SGCZ: variants seen among roughly 807,000 people sequenced by gnomAD.
The protein encoded by SGCZ is zeta-sarcoglycan.
Under a neutral mutation model 41.3 loss-of-function variants are expected in SGCZ, and 40 were observed. The ratio of observed to expected loss-of-function variants is 0.97; its 90% CI spans 0.75 to 1.26. SGCZ has a LOEUF of 1.26. SGCZ is among the 50% of genes most tolerant of loss of function. SGCZ has a pLI of 0.00. For missense variants in SGCZ, 552 were observed against 369.8 expected (o/e 1.49, Z -4.04); for synonymous variants, 206 against 137.5 (o/e 1.50, Z -3.49).
chr8:14,332,160 G>C (rs944885728), intron 2 of SGCZ, among the ~76,000 whole-genome samples: 7 of 152,162 alleles, frequency 4.6e-5, no homozygotes, highest in African/African-American at 1.7e-4. Flanking sequence ...TGATGACCGT[G>C]CACAGTGGCT....
At chr8:14,257,501 A>T (rs766839185) in intron 3 of SGCZ, among the ~76,000 whole-genome samples, 13 of 149,886 alleles carry the variant, frequency 8.7e-5, no homozygotes, top group South Asian at 2.1e-4. Context: ...TTTTTTTTAT[A>T]CTTTTAGTTC....
intron 1 of SGCZ, among the ~76,000 whole-genome samples, chr8:14,650,160 T>C (rs1807351408): frequency 6.6e-6 from 1 of 151,956 alleles, no homozygotes; most frequent in South Asian, 2.1e-4. Flanking sequence ...TTTTGTTCTG[T>C]TTTGCTGAAA....
chr8:15,054,383 T>A (rs373155039), intron 1 of SGCZ, among the ~76,000 whole-genome samples: 90 of 152,236 alleles, frequency 5.9e-4, no homozygotes, highest in African/African-American at 2.0e-3. Flanking sequence ...TGGAGGCTAT[T>A]AATAGCTTAT....
intron 1 of SGCZ, among the ~76,000 whole-genome samples, chr8:14,791,234 T>C (rs886749073): frequency 6.6e-6 from 1 of 152,198 alleles, no homozygotes; most frequent in African/African-American, 2.4e-5. Context: ...CTTTAAATTG[T>C]ACATTACTTC....
chr8:14,098,368 C>A (rs1028501845), intron 7 of SGCZ, among the ~76,000 whole-genome samples: 1 of 152,068 alleles, frequency 6.6e-6, no homozygotes, highest in African/African-American at 2.4e-5. Context: ...ACAACAAAAA[C>A]CCAAGGCAAT....
intron 2 of SGCZ, among the ~76,000 whole-genome samples, chr8:14,543,856 A>T (rs186726746): frequency 9.5e-4 from 145 of 152,242 alleles, no homozygotes; most frequent in African/African-American, 3.2e-3. Flanking sequence ...TACATATTTG[A>T]CTACTTAGTA....
At chr8:14,375,109 G>A (rs71514473) in intron 2 of SGCZ, among the ~76,000 whole-genome samples, 3 of 146,288 alleles carry the variant, frequency 2.1e-5, no homozygotes, top group African/African-American at 7.6e-5. Flanking sequence ...CAGATAGATA[G>A]ATAGACAGAC....
intron 3 of SGCZ, among the ~76,000 whole-genome samples, chr8:14,254,461 T>C (rs1799393733): frequency 6.6e-6 from 1 of 152,170 alleles, no homozygotes; most frequent in Admixed American, 6.5e-5. Context: ...GCATTAGGGA[T>C]ATAGTCAGAT....
At chr8:14,306,520 C>G (rs1300659251) in intron 3 of SGCZ, among the ~76,000 whole-genome samples, 1 of 152,088 alleles carries the variant, frequency 6.6e-6, no homozygotes, top group African/African-American at 2.4e-5. Flanking sequence ...CTGGCATGAG[C>G]AGGAGTATTT....
rs573815826 is a variant in SGCZ, at chr8:14,695,364, T to A, written c.40-140438A>T. Among the ~76,000 whole-genome samples the A allele has an allele frequency of 5.9e-5, 9 of 152,174 alleles. No homozygotes were observed. The East Asian group carries it at 1.4e-3, about 23-fold the overall frequency. The stretch of plus-strand genomic sequence containing the variant: ...TATGTATTGCAACTAATTAAAGCAG[T>A]AAAAGAAGTAATATTAAATGCATGT... On this transcript the variant is annotated intron_variant, in intron 1 of 7. Coordinates refer to ENST00000382080, the MANE Select transcript of SGCZ (RefSeq NM_139167.4).
chr8:14,153,940 G>GAC (rs57842795), intron 5 of SGCZ, among the ~76,000 whole-genome samples: 29 of 142,842 alleles, frequency 2.0e-4, no homozygotes, highest in African/African-American at 7.5e-4. Flanking sequence ...CACACACACA[G>GAC]ACACACACAC....
In SGCZ at chr8:14,237,614, C is replaced by A. The variant is rs779932453; in HGVS notation, c.402G>T (p.Gln134His). The stretch of plus-strand genomic sequence containing the variant: ...CACCTATGGTCAGCTGTCCGGTTAA[C>A]TGCCCCATGTGATTTCTTGCATTCA... ...VTVNARNHMG[Q>H]LTGQLTIGAD... Residue 134 changes from glutamine to histidine, a missense_variant, in exon 4 of 8, where the codon CAG (glutamine) becomes CAT (histidine). Coordinates refer to ENST00000382080, the MANE Select transcript of SGCZ (RefSeq NM_139167.4). The A allele has an allele frequency of 6.2e-7, 1 of 1,613,952 alleles. No homozygotes were observed.
intron 1 of SGCZ, among the ~76,000 whole-genome samples, chr8:14,757,603 C>A (rs935835266): frequency 6.6e-6 from 1 of 152,084 alleles, no homozygotes; most frequent in Non-Finnish European, 1.5e-5. Flanking sequence ...AAATAACTTG[C>A]CAGATCAAGT....
At chr8:14,164,866 G>T (rs1188687627) in intron 4 of SGCZ, 164 bp from the exon 5 acceptor site, 3 of 827,102 alleles carry the variant, frequency 3.6e-6, no homozygotes, top group African/African-American at 3.5e-5. Flanking sequence ...ATTTTCAGGA[G>T]GCTAATTTGG....
chr8:15,182,864 C>T (rs1436614849), intron 1 of SGCZ, among the ~76,000 whole-genome samples: 2 of 152,196 alleles, frequency 1.3e-5, no homozygotes, highest in African/African-American at 4.8e-5. Flanking sequence ...AAAACACAAA[C>T]ACATTGTACG....
chr8:14,708,449 C>G (rs893806958), intron 1 of SGCZ, among the ~76,000 whole-genome samples: 2 of 149,116 alleles, frequency 1.3e-5, no homozygotes, highest in African/African-American at 2.5e-5. Context: ...TTTTTTTAAT[C>G]ATTTGGATAT....
intron 4 of SGCZ, among the ~76,000 whole-genome samples, chr8:14,198,936 C>T (rs1456126244): frequency 6.6e-6 from 1 of 152,124 alleles, no homozygotes; most frequent in Non-Finnish European, 1.5e-5. Context: ...TCTTCGTAAG[C>T]TGAGGATGTA....
intron 2 of SGCZ, among the ~76,000 whole-genome samples, chr8:14,358,836 C>G (rs1479455127): frequency 6.6e-6 from 1 of 151,986 alleles, no homozygotes; most frequent in Non-Finnish European, 1.5e-5. Context: ...GTCTTGAACT[C>G]CTGACCTCGT....
intron 1 of SGCZ, among the ~76,000 whole-genome samples, chr8:14,872,630 A>G (rs1047021540): frequency 2.0e-5 from 3 of 152,116 alleles, no homozygotes; most frequent in African/African-American, 7.2e-5. Context: ...ATGTCTATAA[A>G]TACATTAGAT....
Sources: gnomAD v4.1 joint callset for allele counts (sites outside exome capture counted in the v4.1 genomes callset) on GRCh38, gnomAD v4.1.1 for gene constraint, MANE v1.5 for transcripts, NCBI Gene and HGNC (gene_info 2026-07-23, HGNC 2026-07-21) for gene names.